Variants in CHRNA5 observed in about 807,000 individuals in gnomAD.
CHRNA5 encodes cholinergic receptor nicotinic alpha 5 subunit.
In CHRNA5, 28 loss-of-function variants were observed where a neutral mutation model predicts 41.2. The ratio of observed to expected loss-of-function variants is 0.68; its 90% CI spans 0.50 to 0.93. The LOEUF is 0.93. Among genes scored for constraint, CHRNA5 ranks in the 40% least tolerant of loss-of-function variants. CHRNA5 has a pLI of 0.00. For synonymous variants in CHRNA5, 188 were observed against 205.8 expected (o/e 0.91, Z 0.74); for missense variants, 481 against 581.9 (o/e 0.83, Z 1.78).
chr15:78,579,779 G>A (rs2052893792), intron 1 of CHRNA5, among the ~76,000 whole-genome samples: 1 of 152,126 alleles, frequency 6.6e-6, no homozygotes, highest in Non-Finnish European at 1.5e-5. Flanking sequence ...TGTCTCATGA[G>A]TAGCATCAGT....
intron 1 of CHRNA5, among the ~76,000 whole-genome samples, chr15:78,572,066 A>G (rs1226526929): frequency 6.6e-6 from 1 of 152,198 alleles, no homozygotes; most frequent in Non-Finnish European, 1.5e-5. Flanking sequence ...TAACTGCTCC[A>G]GGAATGCCTT....
At chr15:78,565,938 G>T in intron 1 of CHRNA5, 113 bp downstream of exon 1, 1 of 460,986 alleles carries the variant, frequency 2.2e-6, no homozygotes, top group East Asian at 4.5e-5. Context: ...AGGGGAGGTG[G>T]GTTTTTTTCT....
intron 1 of CHRNA5, among the ~76,000 whole-genome samples, chr15:78,566,331 G>A (rs1267041993): frequency 6.6e-6 from 1 of 152,208 alleles, no homozygotes; most frequent in Non-Finnish European, 1.5e-5. Context: ...GTGTGTTGTA[G>A]CAGGCTAGGC....
chr15:78,573,963 A>ATTTTTTTTTTTTTTTTTT (rs979485573), intron 1 of CHRNA5, among the ~76,000 whole-genome samples: 3 of 102,070 alleles, frequency 2.9e-5, no homozygotes, highest in Non-Finnish European at 3.9e-5. Flanking sequence ...CGCCTGGCTA[A>ATTTTTTTTTTTTTTTTTT]TTTTTTTTTT....
chr15:78,590,306 A>G (rs375168271), exon 5 of CHRNA5: 4 of 1,614,010 alleles, frequency 2.5e-6, no homozygotes, highest in African/African-American at 1.3e-5. Context: ...TCATACCATC[A>G]TCTTCAAAAG....
intron 1 of CHRNA5, among the ~76,000 whole-genome samples, chr15:78,566,028 G>C (rs2052743896): frequency 6.6e-6 from 1 of 152,186 alleles, no homozygotes; most frequent in South Asian, 2.1e-4. Flanking sequence ...ACTTGGGTGG[G>C]TTTTCTTTGT....
chr15:78,565,767 G>A lies in CHRNA5; in HGVS notation c.48G>A (p.Leu16=). The A allele has an allele frequency of 3.3e-6, 4 of 1,216,532 alleles. No homozygotes were observed. In the South Asian group the frequency reaches 1.7e-4, roughly 50 times the overall value. 75.4% of individuals were successfully genotyped at this position (1,216,532 alleles called of 1,614,324 possible). A position where few individuals can be genotyped will look rare whatever the true frequency, so the allele number is the denominator to read the frequency against. The change falls in exon 1 of 6, where the codon TTG becomes TTA. Residue 16 remains leucine (L), a synonymous_variant. Transcript: ENST00000299565. ...CCCGCGCGCTCCGCCTGCTGCTCTTGGTCCAGCTGGTCGCGGGGCGCTGCG... is the reference window on the plus strand; with the variant it reads ...CCCGCGCGCTCCGCCTGCTGCTCTTAGTCCAGCTGGTCGCGGGGCGCTGCG...
rs552548774 is a variant in CHRNA5, at chr15:78,591,762, C to A, written c.1245+1126C>A. ...ATGTGTTTGGTCACATGCATAAGTTCTTTCATGCTGATTTCTGAGACTTTG... is the reference window on the plus strand; with the variant it reads ...ATGTGTTTGGTCACATGCATAAGTTATTTCATGCTGATTTCTGAGACTTTG... On this transcript the variant is annotated intron_variant, in intron 5 of 5. Coordinates refer to ENST00000299565, the Ensembl canonical transcript of CHRNA5. Among the ~76,000 whole-genome samples, 52 of 152,128 alleles carry A rather than the reference C, an allele frequency of 3.4e-4. 3 individuals are homozygous for A. The South Asian group carries it at 0.01, about 30-fold the overall frequency.
intron 1 of CHRNA5, among the ~76,000 whole-genome samples, chr15:78,570,424 A>C (rs1335942319): frequency 3.1e-5 from 2 of 64,178 alleles, no homozygotes; most frequent in Non-Finnish European, 2.7e-5. Flanking sequence ...AATCCCGGCT[A>C]TTTTTTTTTT....
intron 1 of CHRNA5, among the ~76,000 whole-genome samples, chr15:78,578,487 A>G (rs2052879486): frequency 6.6e-6 from 1 of 152,250 alleles, no homozygotes. Flanking sequence ...AGCCTGGGTG[A>G]CAGAGTGAGA....
At chr15:78,591,590 G>T (rs1054039285) in intron 5 of CHRNA5, among the ~76,000 whole-genome samples, 2 of 152,148 alleles carry the variant, frequency 1.3e-5, no homozygotes, top group Admixed American at 1.3e-4. Flanking sequence ...TGAGGAGACA[G>T]AATAAATCTG....
chr15:78,570,421 G>T (rs1484636341), intron 1 of CHRNA5, among the ~76,000 whole-genome samples: 1 of 73,472 alleles, frequency 1.4e-5, no homozygotes, highest in East Asian at 1.1e-3. Context: ...ACCAATCCCG[G>T]CTATTTTTTT....
chr15:78,570,422 C>CTTTTTTTTTTTTT (rs1567050748), intron 1 of CHRNA5, among the ~76,000 whole-genome samples: 2 of 66,286 alleles, frequency 3.0e-5, no homozygotes, highest in Admixed American at 2.0e-4. Context: ...CCAATCCCGG[C>CTTTTTTTTTTTTT]TATTTTTTTT....
chr15:78,570,579 G>A (rs1463611913), intron 1 of CHRNA5, among the ~76,000 whole-genome samples: 3 of 151,826 alleles, frequency 2.0e-5, no homozygotes, highest in Admixed American at 6.6e-5. Flanking sequence ...CCCTCCTACT[G>A]TGTTTAATTC....
exon 5 of CHRNA5, chr15:78,590,206 T>C: frequency 6.2e-7 from 1 of 1,614,122 alleles, no homozygotes; most frequent in Non-Finnish European, 8.5e-7. Flanking sequence ...GTACTTGTCT[T>C]CTATCTTCCT....
chr15:78,592,491 T>G (rs1221324825), intron 5 of CHRNA5, among the ~76,000 whole-genome samples: 1 of 152,154 alleles, frequency 6.6e-6, no homozygotes, highest in Non-Finnish European at 1.5e-5. Context: ...CCCCTGCTGC[T>G]TAGTGGCTGG....
In CHRNA5 at chr15:78,565,934, G is replaced by A. The variant is rs72648893; in HGVS notation, c.106+109G>A. Reference sequence around the variant, plus strand: ...GCCGGAAAACCTGGTTGCGAGGGGAGGTGGGTTTTTTTCTCCTGGGGGCTT... The same window carrying A: ...GCCGGAAAACCTGGTTGCGAGGGGAAGTGGGTTTTTTTCTCCTGGGGGCTT... On this transcript the variant is annotated intron_variant, in intron 1 of 5. Transcript: ENST00000299565. The A allele has an allele frequency of 1.1e-3, 574 of 525,344 alleles. 1 individual carries two copies. Among genetic ancestry groups the A allele is most frequent in the South Asian group, 2.1e-3 (22 of 10,468 alleles). The allele number at this position is 525,344 out of a possible 1,614,324, so 32.5% of individuals were successfully genotyped here.
At chr15:78,590,659 T>C (rs2047634373) in intron 5 of CHRNA5, 23 bp downstream of exon 5, 3 of 1,557,932 alleles carry the variant, frequency 1.9e-6, no homozygotes, top group South Asian at 2.4e-5. Flanking sequence ...TATTTACAAA[T>C]GCAGATCTTC....
At chr15:78,580,822 CCTT>C (rs751094077) in exon 2 of CHRNA5, 14 of 1,611,766 alleles carry the variant, frequency 8.7e-6, no homozygotes, top group Admixed American at 1.7e-5. Context: ...ATTATCTGAA[CCTT>C]CTTCTATTGC....
Sources: gnomAD v4.1 joint callset for allele counts (sites outside exome capture counted in the v4.1 genomes callset) on GRCh38, gnomAD v4.1.1 for gene constraint, MANE v1.5 for transcripts, NCBI Gene and HGNC (gene_info 2026-07-23, HGNC 2026-07-21) for gene names.